The following CFAP141 variants were observed in gnomAD, a reference collection of about 807,000 sequenced individuals.
The protein encoded by CFAP141 is cilia and flagella associated protein 141.
chr1:154,204,265 A>C, the CFAP141 span, among the ~76,000 whole-genome samples: 1 of 152,150 alleles, frequency 6.6e-6, no homozygotes, highest in African/African-American at 2.4e-5. Context: ...CTTTGTAAAC[A>C]TGGCTGTATC....
At chr1:154,203,295 T>C in the CFAP141 span, among the ~76,000 whole-genome samples, 6 of 142,210 alleles carry the variant, frequency 4.2e-5, no homozygotes, top group African/African-American at 1.5e-4. Context: ...AGTCCTGCTC[T>C]GTTGCCCAGG....
the CFAP141 span, among the ~76,000 whole-genome samples, chr1:154,204,546 G>A: frequency 6.6e-6 from 1 of 151,792 alleles, no homozygotes; most frequent in Non-Finnish European, 1.5e-5. Context: ...CTCCCAAAGT[G>A]CTGGGATTAC....
chr1:154,200,509 GC>G, the CFAP141 span: 1 of 1,614,148 alleles, frequency 6.2e-7, no homozygotes, highest in Non-Finnish European at 8.5e-7. Context: ...ATGGTGTCCT[GC>G]ATCCTTAGGG....
chr1:154,204,813 C>T, the CFAP141 span, among the ~76,000 whole-genome samples: 2 of 151,284 alleles, frequency 1.3e-5, no homozygotes, highest in Non-Finnish European at 2.9e-5. Context: ...CCCCCTGCCT[C>T]GGCCTCCCAA....
chr1:154,203,170 C>CAA, the CFAP141 span, among the ~76,000 whole-genome samples: 1 of 32,278 alleles, frequency 3.1e-5, no homozygotes, highest in Non-Finnish European at 5.9e-5. Flanking sequence ...TCTGACTGGG[C>CAA]AAATATATAT....
At chr1:154,202,805 A>G in the CFAP141 span, among the ~76,000 whole-genome samples, 23 of 147,820 alleles carry the variant, frequency 1.6e-4, no homozygotes, top group Non-Finnish European at 2.7e-4. Flanking sequence ...CGTCCCAAGG[A>G]AAAAAAAAAT....
At chr1:154,204,501 G>A in the CFAP141 span, among the ~76,000 whole-genome samples, 6 of 152,084 alleles carry the variant, frequency 3.9e-5, no homozygotes, top group South Asian at 6.2e-4. Context: ...GGCTGGTCTC[G>A]AACTCCTGAG....
the CFAP141 span, among the ~76,000 whole-genome samples, chr1:154,201,137 T>A: frequency 1.3e-5 from 2 of 152,120 alleles, no homozygotes; most frequent in Non-Finnish European, 2.9e-5. Flanking sequence ...ATTTATTTAT[T>A]TATTTATTTT....
the CFAP141 span, among the ~76,000 whole-genome samples, chr1:154,205,993 G>T: frequency 1.3e-5 from 2 of 152,074 alleles, no homozygotes; most frequent in Non-Finnish European, 2.9e-5. Flanking sequence ...GTGAGTCACC[G>T]CACCCAGCCA....
the CFAP141 span, among the ~76,000 whole-genome samples, chr1:154,203,969 T>C: frequency 6.6e-6 from 1 of 152,030 alleles, no homozygotes. Context: ...CGGGCACCTG[T>C]AATCCCAACT....
At chr1:154,200,620 G>C in the CFAP141 span, 1 of 1,612,744 alleles carries the variant, frequency 6.2e-7, no homozygotes, top group Non-Finnish European at 8.5e-7. Context: ...GGGTTGAATG[G>C]GTGGGTTAGA....
At chr1:154,199,422 T>C in the CFAP141 span, 1 of 1,591,124 alleles carries the variant, frequency 6.3e-7, no homozygotes, top group Non-Finnish European at 8.6e-7. Flanking sequence ...GTGTTTTGGA[T>C]GCCATCAGAA....
At chr1:154,200,651 A>G in the CFAP141 span, 1 of 1,531,940 alleles carries the variant, frequency 6.5e-7, no homozygotes, top group African/African-American at 1.4e-5. Flanking sequence ...GAGACAAAAA[A>G]CCCATAGAGT....
the CFAP141 span, chr1:154,199,246 C>A: frequency 5.8e-5 from 22 of 376,676 alleles, no homozygotes; most frequent in Middle Eastern, 8.7e-4. Flanking sequence ...TAGATTGTTT[C>A]CCAAATAGCG....
At chr1:154,200,598 G>A in the CFAP141 span, 1 of 1,613,824 alleles carries the variant, frequency 6.2e-7, no homozygotes, top group Non-Finnish European at 8.5e-7. Flanking sequence ...CCTGCTCCAG[G>A]TACAGAGGTG....
the CFAP141 span, among the ~76,000 whole-genome samples, chr1:154,202,217 C>A: frequency 1.3e-5 from 2 of 151,406 alleles, no homozygotes; most frequent in Non-Finnish European, 2.9e-5. Context: ...GGATTACAGG[C>A]GTAAGCCACC....
chr1:154,199,183 A>G, the CFAP141 span, among the ~76,000 whole-genome samples: 1 of 152,004 alleles, frequency 6.6e-6, no homozygotes, highest in Admixed American at 6.6e-5. Context: ...ACATCAACAT[A>G]GTAAATCCCA....
At chr1:154,204,132 A>G in the CFAP141 span, among the ~76,000 whole-genome samples, 2 of 151,270 alleles carry the variant, frequency 1.3e-5, no homozygotes, top group Admixed American at 6.6e-5. Context: ...AGCAATAGTC[A>G]TGAACATTCT....
At chr1:154,200,303 A>G in the CFAP141 span, among the ~76,000 whole-genome samples, 2 of 152,248 alleles carry the variant, frequency 1.3e-5, no homozygotes, top group African/African-American at 4.8e-5. Context: ...AGTTTTGGCA[A>G]TGGAGTTAGA....
Sources: gnomAD v4.1 joint callset for allele counts (sites outside exome capture counted in the v4.1 genomes callset) on GRCh38, gnomAD v4.1.1 for gene constraint, MANE v1.5 for transcripts, NCBI Gene and HGNC (gene_info 2026-07-23, HGNC 2026-07-21) for gene names.